Variants in METTL15 observed in about 807,000 individuals in gnomAD.
METTL15 encodes the protein methyltransferase 15, mitochondrial 12S rRNA N4-cytidine.
A neutral mutation model predicts 38.3 loss-of-function variants in METTL15; 34 were observed. That is an observed-to-expected ratio of 0.89 (90% CI 0.68 to 1.18). The LOEUF is 1.18. METTL15 is among the 50% of genes most tolerant of loss of function. The pLI, the probability that METTL15 is intolerant of heterozygous loss-of-function variation, is 0.00. For missense variants in METTL15, 438 were observed against 498.4 expected (o/e 0.88, Z 1.15); for synonymous variants, 162 against 170.9 (o/e 0.95, Z 0.41).
intron 2 of METTL15, among the ~76,000 whole-genome samples, chr11:28,112,011 AT>A (rs1449865011): frequency 2.0e-5 from 3 of 152,080 alleles, no homozygotes; most frequent in Non-Finnish European, 4.4e-5. Context: ...AATTCTGCAG[AT>A]TATAGCTTTG....
intron 6 of METTL15, among the ~76,000 whole-genome samples, chr11:28,465,172 T>G (rs966872238): frequency 5.3e-5 from 8 of 152,174 alleles, no homozygotes; most frequent in African/African-American, 1.7e-4. Flanking sequence ...TAAGAAAGAT[T>G]AAGTCTTTCA....
intron 5 of METTL15, among the ~76,000 whole-genome samples, chr11:28,292,941 G>C (rs1456805622): frequency 6.6e-6 from 1 of 152,142 alleles, no homozygotes; most frequent in Non-Finnish European, 1.5e-5. Flanking sequence ...GTTCATTGTA[G>C]ATTCTGGATA....
chr11:28,472,531 A>G (rs1192940004), intron 6 of METTL15, among the ~76,000 whole-genome samples: 1 of 152,198 alleles, frequency 6.6e-6, no homozygotes, highest in Non-Finnish European at 1.5e-5. Context: ...CAGAGGCATC[A>G]GAGGCAAACA....
intron 3 of METTL15, among the ~76,000 whole-genome samples, chr11:28,147,955 A>C (rs1021337043): frequency 3.3e-5 from 5 of 151,840 alleles, no homozygotes; most frequent in African/African-American, 1.2e-4. Context: ...TTGGTTTTTT[A>C]CCTACAATTG....
chr11:28,418,711 A>G (rs1213223686), intron 5 of METTL15, among the ~76,000 whole-genome samples: 1 of 151,720 alleles, frequency 6.6e-6, no homozygotes, highest in Non-Finnish European at 1.5e-5. Context: ...TGTCAACACC[A>G]CCCCTCCCCC....
chr11:28,231,636 A>G (rs993827668), intron 4 of METTL15, among the ~76,000 whole-genome samples: 1 of 151,852 alleles, frequency 6.6e-6, no homozygotes, highest in African/African-American at 2.4e-5. Flanking sequence ...CTTGAAATCT[A>G]AACTACTTTC....
intron 4 of METTL15, among the ~76,000 whole-genome samples, chr11:28,259,379 C>T (rs752742953): frequency 1.6e-4 from 24 of 152,084 alleles, no homozygotes; most frequent in African/African-American, 4.1e-4. Flanking sequence ...TTAGCCGCCC[C>T]GGCCTGTGTC....
At chr11:28,192,937 T>C (rs1238574696) in intron 3 of METTL15, among the ~76,000 whole-genome samples, 1 of 152,112 alleles carries the variant, frequency 6.6e-6, no homozygotes, top group Non-Finnish European at 1.5e-5. Context: ...TTTATGTGTG[T>C]AGACTTTTTC....
intron 4 of METTL15, among the ~76,000 whole-genome samples, chr11:28,354,523 C>A (rs1850073569): frequency 6.6e-6 from 1 of 152,026 alleles, no homozygotes; most frequent in Non-Finnish European, 1.5e-5. Context: ...TGTTATTAGT[C>A]AGATATGGCT....
At chr11:28,377,447 G>A (rs1321170486) in intron 5 of METTL15, among the ~76,000 whole-genome samples, 24 of 151,886 alleles carry the variant, frequency 1.6e-4, no homozygotes, top group African/African-American at 5.1e-4. Context: ...CCAGTTGATC[G>A]CATCGGCTCC....
intron 3 of METTL15, among the ~76,000 whole-genome samples, chr11:28,147,330 A>G (rs1165467274): frequency 6.6e-6 from 1 of 151,842 alleles, no homozygotes; most frequent in Non-Finnish European, 1.5e-5. Context: ...AAAATTCAGG[A>G]GAAGCATTTG....
chr11:28,117,891 T>C (rs1852043544), intron 3 of METTL15, among the ~76,000 whole-genome samples: 1 of 152,220 alleles, frequency 6.6e-6, no homozygotes, highest in Admixed American at 6.5e-5. Flanking sequence ...CAAAATCATT[T>C]TCCTTTTCAA....
chr11:28,443,206 T>G (rs1851049232), intron 6 of METTL15, among the ~76,000 whole-genome samples: 1 of 152,196 alleles, frequency 6.6e-6, no homozygotes, highest in African/African-American at 2.4e-5. Context: ...AATCACTGCT[T>G]AACCTAGCAG....
At chr11:28,291,111 A>G (rs1358336023) in intron 5 of METTL15, among the ~76,000 whole-genome samples, 2 of 147,098 alleles carry the variant, frequency 1.4e-5, no homozygotes, top group Non-Finnish European at 3.0e-5. Flanking sequence ...ATGCAGTGGC[A>G]TGATCTCGCA....
chr11:28,305,911 C>T (rs564014686), intron 6 of METTL15, among the ~76,000 whole-genome samples: 38 of 151,962 alleles, frequency 2.5e-4, no homozygotes, highest in Admixed American at 1.8e-3. Flanking sequence ...TCATGAATTA[C>T]AGACATGAAA....
intron 4 of METTL15, among the ~76,000 whole-genome samples, chr11:28,267,478 A>G (rs1855472537): frequency 6.6e-6 from 1 of 152,072 alleles, no homozygotes; most frequent in African/African-American, 2.4e-5. Flanking sequence ...TCTCTACTTT[A>G]TGTTACTTTG....
At chr11:28,263,033 C>A (rs1167802001) in intron 4 of METTL15, among the ~76,000 whole-genome samples, 1 of 151,956 alleles carries the variant, frequency 6.6e-6, no homozygotes, top group Admixed American at 6.6e-5. Context: ...CCACTTTCTT[C>A]CATTTTAATC....
At chr11:28,247,856 C>A (rs887153937) in intron 4 of METTL15, among the ~76,000 whole-genome samples, 1 of 151,914 alleles carries the variant, frequency 6.6e-6, no homozygotes, top group Non-Finnish European at 1.5e-5. Flanking sequence ...TTAGGATCAA[C>A]CATACAAATA....
intron 3 of METTL15, among the ~76,000 whole-genome samples, chr11:28,154,254 T>A (rs923507458): frequency 7.2e-5 from 11 of 152,132 alleles, no homozygotes; most frequent in African/African-American, 2.7e-4. Context: ...TGCTTTATGA[T>A]CTTGGACAAG....
Sources: allele counts gnomAD v4.1 joint callset (sites outside exome capture counted in the v4.1 genomes callset), GRCh38; gene constraint gnomAD v4.1.1; transcripts MANE v1.5; gene names NCBI Gene and HGNC (gene_info 2026-07-23, HGNC 2026-07-21).